The following CANT1 variants were observed in gnomAD, a reference collection of about 807,000 sequenced individuals.
CANT1 encodes the protein soluble calcium-activated nucleotidase 1.
Under a neutral mutation model 30.0 loss-of-function variants are expected in CANT1, and 26 were observed. The ratio of observed to expected loss-of-function variants is 0.87; its 90% CI spans 0.64 to 1.20. CANT1 has a LOEUF of 1.20. CANT1 is among the 50% of genes most tolerant of loss of function. The pLI is 0.00. For synonymous variants in CANT1, 246 were observed against 251.8 expected (o/e 0.98, Z 0.22); for missense variants, 518 against 563.0 (o/e 0.92, Z 0.81).
Position 78,992,720 on chromosome 17 carries a change from G to C in CANT1, c.*830C>G, listed in dbSNP as rs577873215. The C allele has an allele frequency of 2.3e-5, 14 of 597,078 alleles. No homozygotes were observed. Among genetic ancestry groups the C allele is most frequent in the Admixed American group, 1.9e-4 (10 of 53,942 alleles). 37.0% of individuals were successfully genotyped at this position (597,078 alleles called of 1,614,324 possible). ...CCAAGAACGCCGACATGTGAGACTT[G>C]CTTCACCAGCCGCCACCGCTTCCTT... On this transcript the variant is annotated 3_prime_UTR_variant, in exon 5 of 5. Transcript: ENST00000392446.
Position 78,997,968 on chromosome 17 carries a change from A to T in CANT1, c.-146-5T>A, listed in dbSNP as rs927207811. The T allele has an allele frequency of 3.3e-5, 10 of 301,290 alleles. No individual in the cohort carries two copies. The highest frequency in any genetic ancestry group is 2.1e-4 in the African/African-American group (10 of 47,370). 18.7% of individuals were successfully genotyped at this position (301,290 alleles called of 1,614,324 possible). On this transcript the variant is annotated splice_region_variant and splice_polypyrimidine_tract_variant and intron_variant, in intron 1 of 4. Transcript: ENST00000392446. This position sits in a 1 kb window ranked among gnomAD's most constrained non-coding sequence, Gnocchi z 7.5. Reference sequence around the variant, plus strand: ...GGCTGGTGCTCTGTGGTCCCTCTAAAGAGAGAAGCGCAGGAGAGTCAGGTG... The same window carrying T: ...GGCTGGTGCTCTGTGGTCCCTCTAATGAGAGAAGCGCAGGAGAGTCAGGTG...
Position 79,009,196 on chromosome 17 carries a change from GC to G in CANT1, c.-147+467del, listed in dbSNP as rs1175919267. Reference sequence around the variant, plus strand: ...GGGGGTGGTCCCCACACTAATCAGAGCGGGGAGGTGCCCCACAGTAATCAGA... The same window carrying G: ...GGGGGTGGTCCCCACACTAATCAGAGGGGGAGGTGCCCCACAGTAATCAGA... On this transcript the variant is annotated intron_variant, in intron 1 of 4. Coordinates refer to ENST00000392446, the MANE Select transcript of CANT1 (RefSeq NM_001159773.2). Among the ~76,000 whole-genome samples the G allele has an allele frequency of 8.1e-4, 118 of 144,834 alleles. 1 individual carries two copies. Among genetic ancestry groups the G allele is most frequent in the Non-Finnish European group, 4.1e-4 (28 of 67,544 alleles).
intron 4 of CANT1, among the ~76,000 whole-genome samples, chr17:78,994,726 C>T (rs1250500956): frequency 6.6e-6 from 1 of 152,164 alleles, no homozygotes. Context: ...AGTTCGAGAC[C>T]ATCCTGGGCA....
chr17:79,001,874 AC>A (rs2071275770), intron 1 of CANT1, among the ~76,000 whole-genome samples: 2 of 152,098 alleles, frequency 1.3e-5, no homozygotes, highest in Admixed American at 1.3e-4. Context: ...ACCCACAGGC[AC>A]CGCAAACCAG....
rs2071097603 is a variant in CANT1, at chr17:78,997,903, G to A, written c.-86C>T. 1 of 393,794 alleles carries A rather than the reference G, an allele frequency of 2.5e-6. No individual in the cohort carries two copies. The highest frequency in any genetic ancestry group is 4.6e-6 in the Non-Finnish European group (1 of 219,714). 24.4% of individuals were successfully genotyped at this position (393,794 alleles called of 1,614,324 possible). A position where few individuals can be genotyped will look rare whatever the true frequency, so the allele number is the denominator to read the frequency against. On this transcript the variant is annotated 5_prime_UTR_variant, in exon 2 of 5. An upstream open reading frame in the 5' UTR gains an earlier in-frame stop. Coordinates refer to ENST00000392446, the MANE Select transcript of CANT1 (RefSeq NM_001159773.2). The surrounding 1 kb of genome is among the most constrained non-coding windows in gnomAD (Gnocchi z 7.5). ...TTACTCCATCTCCCCTGTCCCAGCT[G>A]GCAACGTGGGAAGCTGAGTGAGGAA...
In CANT1 at chr17:79,002,589, G is replaced by C. The variant is rs1444449304; in HGVS notation, c.-146-4626C>G. On this transcript the variant is annotated intron_variant, in intron 1 of 4. Coordinates refer to ENST00000392446, the MANE Select transcript of CANT1 (RefSeq NM_001159773.2). This position sits in a 1 kb window ranked among gnomAD's most constrained non-coding sequence, Gnocchi z 4.0. ...GTGTAGATGTGGCTGATTAAAGCCA[G>C]CTAGGACTCCTCCCTGGCATGCTGA... is the stretch of plus-strand genomic sequence containing the variant. Among the ~76,000 whole-genome samples the C allele has an allele frequency of 6.6e-6, 1 of 151,708 alleles. No individual in the cohort carries two copies. Among genetic ancestry groups the C allele is most frequent in the Non-Finnish European group, 1.5e-5 (1 of 67,904 alleles).
rs139484508 is a variant in CANT1, at chr17:78,998,972, G to C, written c.-146-1009C>G. 6.6e-6 allele frequency among the ~76,000 whole-genome samples: 1 copy of C among 152,146 alleles called. No homozygotes were observed. Among genetic ancestry groups the C allele is most frequent in the Non-Finnish European group, 1.5e-5 (1 of 68,016 alleles). On this transcript the variant is annotated intron_variant, in intron 1 of 4. Coordinates refer to ENST00000392446, the MANE Select transcript of CANT1 (RefSeq NM_001159773.2). This position sits in a 1 kb window ranked among gnomAD's most constrained non-coding sequence, Gnocchi z 4.5. ...CTCCAGTGGCTCCGTGCAATTCTGG[G>C]CCCCAAATATGTGGACCACGAGGCC...
chr17:79,009,071 G>A (rs2071649710), intron 1 of CANT1, among the ~76,000 whole-genome samples: 1 of 152,286 alleles, frequency 6.6e-6, no homozygotes, highest in South Asian at 2.1e-4. Context: ...TCCCAGGAGG[G>A]GTGCCCCACA....
Position 78,993,742 on chromosome 17 carries a change from C to A in CANT1, c.1014G>T (p.Val338=). 6.2e-7 allele frequency: 1 copy of A among 1,613,888 alleles called. No homozygotes were observed. Among genetic ancestry groups the A allele is most frequent in the Non-Finnish European group, 8.5e-7 (1 of 1,180,048 alleles). ...AGGACGAGAAGCCGTGAGTGGGGAC[C>A]ACCGCCCCGACGTGGCTCACAGCGA... ...GDIAVSHVGA[V]VPTHGFSSFK... is the part of the protein sequence containing the mutation. The change falls in exon 5 of 5, where the codon GTG becomes GTT. Residue 338 remains valine, a synonymous_variant. Transcript: ENST00000392446. The surrounding 1 kb of genome is among the most constrained non-coding windows in gnomAD (Gnocchi z 4.5).
chr17:79,000,787 G>C (rs1430903048), intron 1 of CANT1, among the ~76,000 whole-genome samples: 1 of 152,194 alleles, frequency 6.6e-6, no homozygotes, highest in Non-Finnish European at 1.5e-5. Context: ...TCAGCTCCCT[G>C]GGAAGACTTG....
At position 78,995,346 on chromosome 17, in the gene CANT1, CCTCCCCTCCGGCCCGCACCTGG is replaced by C. The variant is rs2070999819; in HGVS notation, c.632-147_632-126del. 1.2e-5 allele frequency: 13 copies of C among 1,044,300 alleles called. No individual in the cohort carries two copies. The South Asian group carries it at 1.5e-4, about 12-fold the overall frequency. 64.7% of individuals were successfully genotyped at this position (1,044,300 alleles called of 1,614,324 possible). A position where few individuals can be genotyped will look rare whatever the true frequency, so the allele number is the denominator to read the frequency against. On this transcript the variant is annotated intron_variant, in intron 3 of 4. Transcript: ENST00000392446. The surrounding 1 kb of genome is among the most constrained non-coding windows in gnomAD (Gnocchi z 5.7). The stretch of plus-strand genomic sequence containing the variant: ...TGACTCCCGCCCGGCTCCACACCTG[CCTCCCCTCCGGCCCGCACCTGG>C]CTCCCGCCCAGGGCCGGCCGGCTGC...
At position 78,992,074 on chromosome 17, in the gene CANT1, C is replaced by T. The variant is rs73999357; in HGVS notation, c.*1476G>A. ...AGACTTGGGGCTTCCAGGCTATGCC[C>T]GGTGACAGCTGAGCTCTTCAGAAAT... On this transcript the variant is annotated 3_prime_UTR_variant, in exon 5 of 5. Transcript: ENST00000392446. The T allele has an allele frequency of 3.4e-3, 791 of 232,066 alleles. 6 individuals are homozygous for T. Among genetic ancestry groups the T allele is most frequent in the African/African-American group, 0.016 (716 of 45,372 alleles). The allele number at this position is 232,066 out of a possible 1,614,324, so 14.4% of individuals were successfully genotyped here.
In CANT1 at chr17:78,992,568, G is replaced by T; in HGVS notation, c.*982C>A. 2.4e-6 allele frequency: 1 copy of T among 412,626 alleles called. No individual in the cohort carries two copies. The highest frequency in any genetic ancestry group is 4.7e-6 in the Non-Finnish European group (1 of 211,854). 25.6% of individuals were successfully genotyped at this position (412,626 alleles called of 1,614,324 possible). On this transcript the variant is annotated 3_prime_UTR_variant, in exon 5 of 5. Transcript: ENST00000392446. ...GGAAAGAAACCCCAGGGAAGAGACA[G>T]GCCTCGTTCACAGACCCTAGGCAGG...
rs1467793293 is a variant in CANT1, at chr17:79,008,421, G to A, written c.-147+1243C>T. Among the ~76,000 whole-genome samples, 1 of 152,244 alleles carries A rather than the reference G, an allele frequency of 6.6e-6. No homozygotes were observed. The highest frequency in any genetic ancestry group is 1.5e-5 in the Non-Finnish European group (1 of 68,050). ...TCCTTTTAGGAGCCTTCTACGACCT[G>A]ACACTTGTTTCAAGTTTGGGCCCTT... On this transcript the variant is annotated intron_variant, in intron 1 of 4. Coordinates refer to ENST00000392446, the MANE Select transcript of CANT1 (RefSeq NM_001159773.2). The surrounding 1 kb of genome is among the most constrained non-coding windows in gnomAD (Gnocchi z 4.4).
intron 1 of CANT1, among the ~76,000 whole-genome samples, chr17:79,009,278 G>A (rs1364664383): frequency 1.3e-5 from 2 of 151,652 alleles, no homozygotes; most frequent in East Asian, 3.9e-4. Context: ...ATCAGAGCGG[G>A]GAGGAGTCAC....
chr17:78,996,564 A>G lies in CANT1; in HGVS notation c.631+428T>C, dbSNP rs926180878. On this transcript the variant is annotated intron_variant, in intron 3 of 4. Coordinates refer to ENST00000392446, the MANE Select transcript of CANT1 (RefSeq NM_001159773.2). The surrounding 1 kb of genome is among the most constrained non-coding windows in gnomAD (Gnocchi z 5.1). ...GGGCAGCAGTTTACCCTTCAGTAAC[A>G]TGAAACCAAAGTCTGGGTTTTGAGT... 1.3e-5 allele frequency among the ~76,000 whole-genome samples: 2 copies of G among 152,192 alleles called. No homozygotes were observed. The highest frequency in any genetic ancestry group is 4.8e-5 in the African/African-American group (2 of 41,444).
In CANT1 at chr17:78,996,733, G is replaced by C. The variant is rs2071045391; in HGVS notation, c.631+259C>G. Reference sequence around the variant, plus strand: ...AGCGGATACAGCCGAAAACATCTTGGAGAGATTCCCCACGTCTCCCACAGG... The same window carrying C: ...AGCGGATACAGCCGAAAACATCTTGCAGAGATTCCCCACGTCTCCCACAGG... On this transcript the variant is annotated intron_variant, in intron 3 of 4. Transcript: ENST00000392446. The surrounding 1 kb of genome is among the most constrained non-coding windows in gnomAD (Gnocchi z 5.1). Among the ~76,000 whole-genome samples, 1 of 152,162 alleles carries C rather than the reference G, an allele frequency of 6.6e-6. No homozygotes were observed. The highest frequency in any genetic ancestry group is 2.1e-4 in the South Asian group (1 of 4,832).
intron 1 of CANT1, among the ~76,000 whole-genome samples, chr17:78,999,279 C>T (rs902628982): frequency 8.5e-5 from 13 of 152,312 alleles, no homozygotes; most frequent in African/African-American, 3.1e-4. Context: ...GCAGGCCTCT[C>T]AGGACCCCCT....
At position 79,001,401 on chromosome 17, in the gene CANT1, T is replaced by C. The variant is rs548642187; in HGVS notation, c.-146-3438A>G. 5.3e-5 allele frequency among the ~76,000 whole-genome samples: 8 copies of C among 152,078 alleles called. No homozygotes were observed. The South Asian group carries it at 1.7e-3, about 32-fold the overall frequency. On this transcript the variant is annotated intron_variant, in intron 1 of 4. Transcript: ENST00000392446. ...AGCCGCCGGGCACCTGCTCTTCTGGTTCCTCCCTTCCATCCACAGGCTGCC... is the reference window on the plus strand; with the variant it reads ...AGCCGCCGGGCACCTGCTCTTCTGGCTCCTCCCTTCCATCCACAGGCTGCC...
Sources: allele counts gnomAD v4.1 joint callset (sites outside exome capture counted in the v4.1 genomes callset), GRCh38; gene constraint gnomAD v4.1.1; non-coding constraint Gnocchi (gnomAD v3.1); transcripts MANE v1.5; gene names NCBI Gene and HGNC (gene_info 2026-07-23, HGNC 2026-07-21).